Variants in NRXN3 observed in about 807,000 individuals in gnomAD.
The protein encoded by NRXN3 is neurexin III.
NRXN3 carries 32 observed loss-of-function variants against 137.6 expected under a neutral mutation model. The ratio of observed to expected loss-of-function variants is 0.23; its 90% CI spans 0.18 to 0.31. The LOEUF is 0.31. NRXN3 is among the 10% of genes least tolerant of loss of function. NRXN3 has a pLI of 1.00. For missense variants in NRXN3, 1,574 were observed against 2,062.5 expected, an observed-to-expected ratio of 0.76 and a Z score of 4.59; for synonymous variants, 798 against 784.5, an observed-to-expected ratio of 1.02 and a Z score of -0.29.
Position 79,586,098 on chromosome 14 carries a change from C to T in NRXN3, c.3445-77680C>T, listed in dbSNP as rs548121657. Reference sequence around the variant, plus strand: ...TCTTTTCCCCAGGCCCTGGGAGATGCATATGCCAAATACTTGGCATTCTTT... The same window carrying T: ...TCTTTTCCCCAGGCCCTGGGAGATGTATATGCCAAATACTTGGCATTCTTT... On this transcript the variant is annotated intron_variant, in intron 16 of 20. Coordinates refer to ENST00000335750, the MANE Select transcript of NRXN3 (RefSeq NM_001330195.2). Among the ~76,000 whole-genome samples the T allele has an allele frequency of 5.3e-5, 8 of 152,330 alleles. No homozygotes were observed. The East Asian group carries it at 1.4e-3, about 26-fold the overall frequency.
At chr14:78,430,501 C>T (rs560505900) in intron 4 of NRXN3, among the ~76,000 whole-genome samples, 10 of 152,280 alleles carry the variant, frequency 6.6e-5, no homozygotes, top group African/African-American at 1.7e-4. Context: ...AGGGACAAAG[C>T]CAGCACCTAA....
intron 17 of NRXN3, among the ~76,000 whole-genome samples, chr14:79,668,390 GTAT>G (rs1219518422): frequency 4.6e-5 from 7 of 151,926 alleles, no homozygotes; most frequent in African/African-American, 1.2e-4. Context: ...ACAGGGTTTG[GTAT>G]TATTACTCCT....
chr14:78,510,889 G>C (rs550439468), intron 4 of NRXN3, among the ~76,000 whole-genome samples: 3 of 152,270 alleles, frequency 2.0e-5, no homozygotes, highest in Admixed American at 2.0e-4. Context: ...AAGCTTGTAA[G>C]CACCAGATCT....
At chr14:79,359,984 T>C (rs542920401) in intron 15 of NRXN3, among the ~76,000 whole-genome samples, 1 of 152,168 alleles carries the variant, frequency 6.6e-6, no homozygotes, top group Non-Finnish European at 1.5e-5. Context: ...ACGAAAATAC[T>C]TGGAAGGTGG....
intron 4 of NRXN3, among the ~76,000 whole-genome samples, chr14:78,508,867 G>A (rs941058673): frequency 1.1e-4 from 17 of 152,258 alleles, no homozygotes; most frequent in African/African-American, 3.9e-4. Context: ...TAAAAAAATA[G>A]ATTTTAAGCA....
rs1327960335 is a variant in NRXN3, at chr14:79,760,907, C to A, written c.4015-44205C>A. 3 of 151,560 alleles carry A rather than the reference C, an allele frequency of 2.0e-5. 1 individual carries two copies. The highest frequency in any genetic ancestry group is 4.9e-5 in the African/African-American group (2 of 40,856). 9.4% of individuals were successfully genotyped at this position (151,560 alleles called of 1,614,324 possible). A position where few individuals can be genotyped will look rare whatever the true frequency, so the allele number is the denominator to read the frequency against. Reference sequence around the variant, plus strand: ...CCTTGGATTTACATGTGCCTGCCCCCCTGCCCATGGTTACTGAGGGTGGCC... The same window carrying A: ...CCTTGGATTTACATGTGCCTGCCCCACTGCCCATGGTTACTGAGGGTGGCC... On this transcript the variant is annotated intron_variant, in intron 19 of 20. Coordinates refer to ENST00000335750, the MANE Select transcript of NRXN3 (RefSeq NM_001330195.2).
intron 15 of NRXN3, among the ~76,000 whole-genome samples, chr14:79,091,773 A>T (rs2049242739): frequency 6.6e-6 from 1 of 152,132 alleles, no homozygotes; most frequent in South Asian, 2.1e-4. Context: ...CACATTCTGA[A>T]GTAAGGTGGC....
At chr14:79,783,950 T>G (rs2099121652) in intron 19 of NRXN3, among the ~76,000 whole-genome samples, 1 of 152,182 alleles carries the variant, frequency 6.6e-6, no homozygotes, top group African/African-American at 2.4e-5. Flanking sequence ...CAATTAAAAC[T>G]TCACATGAAA....
Position 78,515,281 on chromosome 14 carries a change from C to A in NRXN3, c.758-129839C>A, listed in dbSNP as rs115603813. ...GACCTGGTAATCAATGGAATCCAGA[C>A]TGACCTATTACAAGAGTGGGGTCCC... On this transcript the variant is annotated intron_variant, in intron 4 of 20. Coordinates refer to ENST00000335750, the MANE Select transcript of NRXN3 (RefSeq NM_001330195.2). Among the ~76,000 whole-genome samples, 529 of 152,284 alleles carry A rather than the reference C, an allele frequency of 3.5e-3. 3 individuals carry two copies. Among genetic ancestry groups the A allele is most frequent in the African/African-American group, 0.011 (452 of 41,566 alleles).
chr14:79,607,543 T>A (rs1000848395), intron 16 of NRXN3, among the ~76,000 whole-genome samples: 2 of 152,146 alleles, frequency 1.3e-5, no homozygotes, highest in Admixed American at 6.5e-5. Context: ...TTCTTTGTTT[T>A]CCCCCTAAGA....
chr14:79,831,879 G>A (rs554156642), intron 20 of NRXN3, among the ~76,000 whole-genome samples: 1 of 152,092 alleles, frequency 6.6e-6, no homozygotes, highest in Non-Finnish European at 1.5e-5. Flanking sequence ...AGTTTTTCAT[G>A]TCTTCTGTGA....
At chr14:79,161,535 T>C (rs1286995465) in intron 15 of NRXN3, among the ~76,000 whole-genome samples, 1 of 151,938 alleles carries the variant, frequency 6.6e-6, no homozygotes, top group East Asian at 1.9e-4. Flanking sequence ...CAAAGTCCCA[T>C]TTAGAAAGAT....
intron 10 of NRXN3, among the ~76,000 whole-genome samples, chr14:78,827,148 TC>T (rs2098968966): frequency 6.6e-6 from 1 of 152,022 alleles, no homozygotes. Flanking sequence ...ACCTCAGCCT[TC>T]AAAGGCCTAA....
At chr14:79,505,738 C>T (rs1567321372) in intron 16 of NRXN3, among the ~76,000 whole-genome samples, 1 of 152,142 alleles carries the variant, frequency 6.6e-6, no homozygotes. Flanking sequence ...CTTTCCTATG[C>T]CCAACAGCAT....
intron 15 of NRXN3, among the ~76,000 whole-genome samples, chr14:79,295,830 A>G (rs1167026093): frequency 6.6e-6 from 1 of 152,190 alleles, no homozygotes; most frequent in Non-Finnish European, 1.5e-5. Context: ...TCTGGTCTGC[A>G]AAGTTTTCCC....
Position 79,556,216 on chromosome 14 carries a change from C to T in NRXN3, c.3444+88814C>T, listed in dbSNP as rs956092815. 2.6e-5 allele frequency among the ~76,000 whole-genome samples: 4 copies of T among 152,156 alleles called. No individual in the cohort carries two copies. In the South Asian group the frequency reaches 6.2e-4, roughly 24 times the overall value. On this transcript the variant is annotated intron_variant, in intron 16 of 20. Transcript: ENST00000335750. The stretch of plus-strand genomic sequence containing the variant: ...CAATACCTACAAACATGTCCAGACT[C>T]TTCCATTCTTTAGCATACTCATTCT...
At chr14:78,360,888 T>C (rs1255014331) in intron 4 of NRXN3, among the ~76,000 whole-genome samples, 1 of 152,172 alleles carries the variant, frequency 6.6e-6, no homozygotes, top group African/African-American at 2.4e-5. Flanking sequence ...CCTCTGAGTT[T>C]AAAGCCATAA....
chr14:78,443,891 CAGTT>C (rs1268589318), intron 4 of NRXN3, among the ~76,000 whole-genome samples: 1 of 152,206 alleles, frequency 6.6e-6, no homozygotes, highest in Admixed American at 6.5e-5. Flanking sequence ...CATCAGGGAA[CAGTT>C]AGTAGCATTA....
intron 15 of NRXN3, among the ~76,000 whole-genome samples, chr14:79,297,292 T>G (rs1244153856): frequency 2.0e-5 from 3 of 152,148 alleles, no homozygotes; most frequent in African/African-American, 4.8e-5. Flanking sequence ...TAGACAGGGT[T>G]GTTAGAAAAT....
Sources: allele counts gnomAD v4.1 joint callset (sites outside exome capture counted in the v4.1 genomes callset), GRCh38; gene constraint gnomAD v4.1.1; transcripts MANE v1.5; gene names NCBI Gene and HGNC (gene_info 2026-07-23, HGNC 2026-07-21).